SLCO2A1: variants seen among roughly 807,000 people sequenced by gnomAD.
SLCO2A1 encodes the protein matrin F/G 1.
SLCO2A1 carries 60 observed loss-of-function variants against 71.7 expected under a neutral mutation model. The ratio of observed to expected loss-of-function variants is 0.84; its 90% CI spans 0.68 to 1.04. SLCO2A1 has a LOEUF of 1.04. Among genes scored for constraint, SLCO2A1 ranks in the 50% least tolerant of loss-of-function variants. The pLI is 0.00. For missense variants in SLCO2A1, 745 were observed against 813.4 expected, an observed-to-expected ratio of 0.92 and a Z score of 1.02; for synonymous variants, 308 against 326.7, an observed-to-expected ratio of 0.94 and a Z score of 0.62.
chr3:133,949,559 C>T (rs1438434547), intron 6 of SLCO2A1, among the ~76,000 whole-genome samples: 1 of 152,218 alleles, frequency 6.6e-6, no homozygotes, highest in African/African-American at 2.4e-5. Context: ...TAAGGCCCTG[C>T]AGCTCTGAAC....
At chr3:134,004,741 A>T (rs1292576602) in intron 1 of SLCO2A1, among the ~76,000 whole-genome samples, 3 of 152,208 alleles carry the variant, frequency 2.0e-5, no homozygotes, top group African/African-American at 7.2e-5. Context: ...AAGGGGCCAC[A>T]AGCCAAGGAA....
chr3:133,935,897 G>C lies in SLCO2A1; in HGVS notation c.1691C>G (p.Ala564Gly), dbSNP rs769915308. Residue 564 changes from alanine (A) to glycine (G), a missense_variant and splice_region_variant, in exon 13 of 14, where the codon GCC becomes GGC. Ala to Gly is a moderately conservative substitution (Grantham distance 60, BLOSUM62 0). Transcript: ENST00000310926. Reference protein sequence around the residue: ...GVQFLLMRLLAWLPSPALYGL... With the variant: ...GVQFLLMRLLGWLPSPALYGL... ...ATAGAGGGCTGGAGATGGCAGCCAG[G>C]CTGGAAGAGGGTTCAGAAAGCCCTG... is the stretch of plus-strand genomic sequence containing the variant. 1 of 1,591,670 alleles carries C rather than the reference G, an allele frequency of 6.3e-7. No individual in the cohort carries two copies. The highest frequency in any genetic ancestry group is 8.6e-7 in the Non-Finnish European group (1 of 1,167,700).
chr3:133,964,887 C>A (rs969794882), intron 3 of SLCO2A1, among the ~76,000 whole-genome samples: 2 of 152,198 alleles, frequency 1.3e-5, no homozygotes, highest in Admixed American at 6.5e-5. Context: ...CACCCCCACA[C>A]CCTGGCCCAG....
chr3:133,944,585 G>A (rs1052019611), intron 10 of SLCO2A1, among the ~76,000 whole-genome samples: 8 of 152,190 alleles, frequency 5.3e-5, no homozygotes, highest in African/African-American at 1.7e-4. Flanking sequence ...CAAGTGCCAG[G>A]TCAGCCCGAA....
chr3:133,953,800 GGA>G, intron 4 of SLCO2A1, 39 bp from the exon 5 acceptor site: 1 of 1,561,160 alleles, frequency 6.4e-7, no homozygotes, highest in African/African-American at 1.4e-5. Flanking sequence ...TGAGATAAAT[GGA>G]GAGAGTTTGG....
chr3:134,008,522 C>T (rs561289355), intron 1 of SLCO2A1, among the ~76,000 whole-genome samples: 64 of 152,300 alleles, frequency 4.2e-4, no homozygotes, highest in Admixed American at 7.2e-4. Flanking sequence ...GGTGAAAACC[C>T]ACCCAAGAAT....
chr3:133,945,344 C>T (rs1008537846), intron 9 of SLCO2A1, 84 bp from the exon 10 acceptor site: 2 of 1,325,450 alleles, frequency 1.5e-6, no homozygotes, highest in Admixed American at 4.5e-5. Flanking sequence ...GAGTTCCTGG[C>T]CTGGTGAGTG....
chr3:133,970,752 T>C (rs1456925486), intron 3 of SLCO2A1, among the ~76,000 whole-genome samples: 1 of 152,126 alleles, frequency 6.6e-6, no homozygotes, highest in African/African-American at 2.4e-5. Flanking sequence ...GCCCTATTGT[T>C]GCATATAGAA....
At chr3:133,979,656 G>T in intron 1 of SLCO2A1, 38 bp from the exon 2 acceptor site, 1 of 1,563,936 alleles carries the variant, frequency 6.4e-7, no homozygotes, top group Non-Finnish European at 8.6e-7. Context: ...GTTTCTGGAC[G>T]ACAAGCCCTG....
intron 1 of SLCO2A1, among the ~76,000 whole-genome samples, chr3:134,002,617 A>G (rs1007943303): frequency 6.6e-6 from 1 of 152,200 alleles, no homozygotes; most frequent in African/African-American, 2.4e-5. Flanking sequence ...TTTAGGGTAT[A>G]TTGTAATTAC....
At chr3:133,966,132 C>T (rs922995612) in intron 3 of SLCO2A1, among the ~76,000 whole-genome samples, 6 of 152,158 alleles carry the variant, frequency 3.9e-5, no homozygotes, top group Admixed American at 3.3e-4. Flanking sequence ...CCGTGGGCTG[C>T]GTTCAGTTCC....
intron 1 of SLCO2A1, among the ~76,000 whole-genome samples, chr3:134,003,718 T>C (rs1386655692): frequency 6.6e-6 from 1 of 152,224 alleles, no homozygotes; most frequent in Non-Finnish European, 1.5e-5. Flanking sequence ...CATGGCAGTG[T>C]TTTTGATGTG....
At chr3:133,954,710 G>A (rs753103088) in intron 4 of SLCO2A1, among the ~76,000 whole-genome samples, 63 of 152,136 alleles carry the variant, frequency 4.1e-4, no homozygotes, top group Non-Finnish European at 3.8e-4. Flanking sequence ...GCCATCCAGC[G>A]CACAGATAAT....
At chr3:134,024,356 A>C (rs1448483993) in intron 1 of SLCO2A1, among the ~76,000 whole-genome samples, 1 of 152,268 alleles carries the variant, frequency 6.6e-6, no homozygotes, top group Non-Finnish European at 1.5e-5. Context: ...GAAATCAAAT[A>C]GCTGCAGGAT....
At chr3:134,007,124 T>G (rs975955620) in intron 1 of SLCO2A1, among the ~76,000 whole-genome samples, 1 of 152,244 alleles carries the variant, frequency 6.6e-6, no homozygotes, top group Non-Finnish European at 1.5e-5. Flanking sequence ...TGTGTATCAT[T>G]TTTAGAGAAA....
At chr3:133,952,988 T>G (rs1002541219) in intron 5 of SLCO2A1, among the ~76,000 whole-genome samples, 2 of 152,194 alleles carry the variant, frequency 1.3e-5, no homozygotes, top group Non-Finnish European at 2.9e-5. Flanking sequence ...AAAAGAGCTC[T>G]TATTAAATCT....
chr3:133,958,513 A>G (rs1158450957), intron 3 of SLCO2A1, among the ~76,000 whole-genome samples: 2 of 152,220 alleles, frequency 1.3e-5, no homozygotes, highest in Non-Finnish European at 2.9e-5. Flanking sequence ...ACATGGCCCC[A>G]TGCTCTTCTC....
At chr3:133,991,233 G>A (rs1043254379) in intron 1 of SLCO2A1, among the ~76,000 whole-genome samples, 1 of 152,214 alleles carries the variant, frequency 6.6e-6, no homozygotes. Context: ...GCAGGGAGTA[G>A]CATCCTTCTC....
chr3:133,972,114 C>G (rs1362983973), intron 3 of SLCO2A1, among the ~76,000 whole-genome samples: 1 of 152,080 alleles, frequency 6.6e-6, no homozygotes, highest in Admixed American at 6.5e-5. Flanking sequence ...TTTAAAATAG[C>G]TGAAGACATC....
Sources: allele counts gnomAD v4.1 joint callset (sites outside exome capture counted in the v4.1 genomes callset), GRCh38; gene constraint gnomAD v4.1.1; transcripts MANE v1.5; gene names NCBI Gene and HGNC (gene_info 2026-07-23, HGNC 2026-07-21).